The following ANGPT1 variants were observed in gnomAD, a reference collection of about 807,000 sequenced individuals.
ANGPT1 encodes angiopoietin 1.
In ANGPT1, 17 loss-of-function variants were observed where a neutral mutation model predicts 62.2. That is an observed-to-expected ratio of 0.27 (90% confidence interval 0.19 to 0.41). The LOEUF is 0.41. ANGPT1 is among the 10% of genes least tolerant of loss of function. ANGPT1 has a pLI of 1.00. For missense variants in ANGPT1, 478 were observed against 594.9 expected, an observed-to-expected ratio of 0.80 and a Z score of 2.04; for synonymous variants, 199 against 198.9, an observed-to-expected ratio of 1.00 and a Z score of 0.00.
intron 7 of ANGPT1, among the ~76,000 whole-genome samples, chr8:107,280,941 T>C (rs1813990329): frequency 6.6e-6 from 1 of 152,184 alleles, no homozygotes; most frequent in Non-Finnish European, 1.5e-5. Context: ...ATCTGGATAA[T>C]ACTACCTCTC....
chr8:107,324,208 T>C lies in ANGPT1; in HGVS notation c.576-2080A>G, dbSNP rs1815229971. Among the ~76,000 whole-genome samples the C allele has an allele frequency of 2.1e-5, 3 of 141,498 alleles. 1 individual carries two copies. In the South Asian group the frequency reaches 6.5e-4, roughly 31 times the overall value. The allele number at this position is 141,498 out of a possible 152,430, so 92.8% of individuals were successfully genotyped here. ...GTGTGTATATATGTATATATATGTA[T>C]ATATATATGTGTGTGTGTGTGTGTG... On this transcript the variant is annotated intron_variant, in intron 3 of 8. Coordinates refer to ENST00000517746, the MANE Select transcript of ANGPT1 (RefSeq NM_001146.5).
intron 1 of ANGPT1, among the ~76,000 whole-genome samples, chr8:107,459,394 G>T (rs947307423): frequency 6.6e-6 from 1 of 151,890 alleles, no homozygotes; most frequent in African/African-American, 2.4e-5. Context: ...TACTAAGTCA[G>T]CCGGAAATCC....
chr8:107,315,834 C>T (rs570535675), intron 4 of ANGPT1, among the ~76,000 whole-genome samples: 1 of 152,184 alleles, frequency 6.6e-6, no homozygotes, highest in African/African-American at 2.4e-5. Flanking sequence ...CATCTGGTTT[C>T]CTGATGGATC....
intron 5 of ANGPT1, chr8:107,294,780 A>C (rs1192361610): frequency 6.6e-6 from 1 of 152,174 alleles, no homozygotes; most frequent in Non-Finnish European, 1.5e-5. Context: ...TTTATTTAGA[A>C]ATTGACTCAT....
At chr8:107,324,215 A>ATATATGTG (rs1446823991) in intron 3 of ANGPT1, among the ~76,000 whole-genome samples, 84 of 144,828 alleles carry the variant, frequency 5.8e-4, no homozygotes, top group African/African-American at 2.0e-3. Flanking sequence ...GTATATATAT[A>ATATATGTG]TGTGTGTGTG....
intron 4 of ANGPT1, among the ~76,000 whole-genome samples, chr8:107,319,005 G>C (rs971996555): frequency 3.3e-5 from 5 of 152,062 alleles, no homozygotes; most frequent in African/African-American, 1.2e-4. Context: ...AAACACTCCG[G>C]GGCATTGTAT....
At chr8:107,397,299 C>G (rs1283664) in intron 1 of ANGPT1, among the ~76,000 whole-genome samples, 119,741 of 152,094 alleles carry the variant, frequency 0.79, 47,285 homozygotes, top group East Asian at 0.91. Flanking sequence ...TACCTGAAAG[C>G]CCTAGGGCAA....
intron 1 of ANGPT1, among the ~76,000 whole-genome samples, chr8:107,480,883 A>G (rs1193592967): frequency 6.6e-6 from 1 of 152,220 alleles, no homozygotes; most frequent in Non-Finnish European, 1.5e-5. Flanking sequence ...AATCAAAGCA[A>G]TGGCTACTGA....
At chr8:107,393,276 T>C (rs1051962921) in intron 1 of ANGPT1, among the ~76,000 whole-genome samples, 4 of 152,154 alleles carry the variant, frequency 2.6e-5, no homozygotes, top group African/African-American at 9.7e-5. Context: ...AGATCAGTGG[T>C]TCCCCTGGGC....
intron 1 of ANGPT1, among the ~76,000 whole-genome samples, chr8:107,469,060 T>C (rs961786237): frequency 1.3e-5 from 2 of 152,064 alleles, no homozygotes; most frequent in Non-Finnish European, 2.9e-5. Context: ...GCTATAGCAA[T>C]ACAAATTTAA....
At chr8:107,409,107 A>G (rs140381492) in intron 1 of ANGPT1, among the ~76,000 whole-genome samples, 4,099 of 152,320 alleles carry the variant, frequency 0.027, 84 homozygotes, top group Middle Eastern at 0.12. Flanking sequence ...TGATTAATCC[A>G]AAGGCAACTG....
intron 1 of ANGPT1, among the ~76,000 whole-genome samples, chr8:107,416,462 T>A (rs1810748837): frequency 6.6e-6 from 1 of 152,198 alleles, no homozygotes; most frequent in South Asian, 2.1e-4. Flanking sequence ...GGTGTTGGGA[T>A]GCCCCACTGT....
At chr8:107,443,407 T>G (rs944774889) in intron 1 of ANGPT1, among the ~76,000 whole-genome samples, 1 of 152,346 alleles carries the variant, frequency 6.6e-6, no homozygotes, top group South Asian at 2.1e-4. Flanking sequence ...GAGATTGAGC[T>G]AAGTCATCAT....
intron 3 of ANGPT1, 60 bp from the exon 4 acceptor site, chr8:107,322,188 T>C: frequency 1.6e-6 from 2 of 1,214,118 alleles, no homozygotes; most frequent in Non-Finnish European, 1.1e-6. Context: ...AAAACCCTTA[T>C]AATTCAATTG....
chr8:107,334,488 A>C (rs1815514430), intron 3 of ANGPT1, among the ~76,000 whole-genome samples: 1 of 152,144 alleles, frequency 6.6e-6, no homozygotes, highest in East Asian at 1.9e-4. Context: ...CAAAATATGC[A>C]GCTCTTTCTG....
At chr8:107,472,320 C>T (rs963662222) in intron 1 of ANGPT1, among the ~76,000 whole-genome samples, 18 of 151,992 alleles carry the variant, frequency 1.2e-4, no homozygotes, top group Admixed American at 5.9e-4. Flanking sequence ...TTACAGTGCT[C>T]TTTAGAAGAA....
chr8:107,361,754 G>A (rs1282409731), intron 1 of ANGPT1, among the ~76,000 whole-genome samples: 2 of 151,776 alleles, frequency 1.3e-5, no homozygotes, highest in South Asian at 2.1e-4. Context: ...ACACGGAATG[G>A]TAGTTTAAAT....
intron 1 of ANGPT1, among the ~76,000 whole-genome samples, chr8:107,417,145 C>T (rs955556299): frequency 1.3e-5 from 2 of 152,046 alleles, no homozygotes; most frequent in African/African-American, 4.8e-5. Flanking sequence ...TTTTTAGTGT[C>T]TATGGCCTTC....
intron 1 of ANGPT1, among the ~76,000 whole-genome samples, chr8:107,425,155 G>A (rs754148195): frequency 2.0e-5 from 3 of 152,232 alleles, no homozygotes; most frequent in African/African-American, 4.8e-5. Flanking sequence ...TTACAGGCAT[G>A]AGCCGCTGCA....
Sources: allele counts gnomAD v4.1 joint callset (sites outside exome capture counted in the v4.1 genomes callset), GRCh38; gene constraint gnomAD v4.1.1; transcripts MANE v1.5; gene names NCBI Gene and HGNC (gene_info 2026-07-23, HGNC 2026-07-21).